Variants in BTBD9 observed in about 807,000 individuals in gnomAD.
BTBD9 encodes the protein BTB domain containing 9.
In BTBD9, 49 loss-of-function variants were observed where a neutral mutation model predicts 64.3. That is an observed-to-expected ratio of 0.76 (90% CI 0.61 to 0.97). BTBD9 has a LOEUF of 0.97. Ranked by LOEUF, BTBD9 falls within the 50% of genes least tolerant of loss-of-function variation. The probability of loss-of-function intolerance (pLI) is 0.00; values close to 1 mark genes in which losing one functional copy is unlikely to be tolerated. For synonymous variants in BTBD9, 260 were observed against 274.7 expected, an observed-to-expected ratio of 0.95 and a Z score of 0.53; for missense variants, 598 against 762.1, an observed-to-expected ratio of 0.78 and a Z score of 2.53.
intron 10 of BTBD9, among the ~76,000 whole-genome samples, chr6:38,176,223 G>A (rs1256844371): frequency 1.3e-5 from 2 of 152,156 alleles, no homozygotes; most frequent in African/African-American, 4.8e-5. Context: ...ACATACACAC[G>A]GCCTTCTACC....
chr6:38,495,960 C>T (rs539396859), intron 6 of BTBD9, among the ~76,000 whole-genome samples: 2 of 152,218 alleles, frequency 1.3e-5, no homozygotes, highest in Admixed American at 1.3e-4. Context: ...TATCAGAATC[C>T]TTTGGAGAGA....
intron 7 of BTBD9, among the ~76,000 whole-genome samples, chr6:38,288,815 T>G (rs1179950600): frequency 1.3e-5 from 2 of 151,412 alleles, no homozygotes; most frequent in Non-Finnish European, 2.9e-5. Context: ...TAGTCCCAGC[T>G]ACTCGGGAGG....
chr6:38,410,608 C>A (rs1304275726), intron 6 of BTBD9, among the ~76,000 whole-genome samples: 2 of 152,144 alleles, frequency 1.3e-5, no homozygotes, highest in African/African-American at 4.8e-5. Flanking sequence ...AAATAACTTT[C>A]ATTGATAAGA....
chr6:38,390,041 A>C (rs910725150), intron 6 of BTBD9, among the ~76,000 whole-genome samples: 1 of 152,220 alleles, frequency 6.6e-6, no homozygotes, highest in Non-Finnish European at 1.5e-5. Flanking sequence ...TATGCCACTC[A>C]AACTTCTTCC....
chr6:38,445,855 G>A (rs1769253853), intron 6 of BTBD9, among the ~76,000 whole-genome samples: 1 of 152,168 alleles, frequency 6.6e-6, no homozygotes, highest in African/African-American at 2.4e-5. Flanking sequence ...AAGGCCACAT[G>A]CTTATCTCTT....
At chr6:38,334,053 C>T (rs149213976) in intron 7 of BTBD9, among the ~76,000 whole-genome samples, 1 of 152,256 alleles carries the variant, frequency 6.6e-6, no homozygotes, top group East Asian at 1.9e-4. Flanking sequence ...TTATTGGGAA[C>T]TGGAGTAAAG....
intron 7 of BTBD9, among the ~76,000 whole-genome samples, chr6:38,301,594 T>C (rs1016649533): frequency 2.0e-5 from 3 of 152,234 alleles, no homozygotes; most frequent in African/African-American, 7.2e-5. Context: ...CTTGGGAGAC[T>C]GTATGTGTCC....
chr6:38,564,373 T>C (rs1402000075), intron 6 of BTBD9, among the ~76,000 whole-genome samples: 1 of 152,190 alleles, frequency 6.6e-6, no homozygotes, highest in Non-Finnish European at 1.5e-5. Flanking sequence ...CTCAGTATGT[T>C]TTTGTTGAAT....
At chr6:38,465,435 T>C (rs1458061784) in intron 6 of BTBD9, among the ~76,000 whole-genome samples, 1 of 140,378 alleles carries the variant, frequency 7.1e-6, no homozygotes, top group Non-Finnish European at 1.5e-5. Context: ...GGCTAACAGG[T>C]TGAAACCCCA....
At chr6:38,377,511 G>A (rs1413786643) in intron 6 of BTBD9, among the ~76,000 whole-genome samples, 1 of 152,134 alleles carries the variant, frequency 6.6e-6, no homozygotes, top group Non-Finnish European at 1.5e-5. Context: ...GTCTACTTTG[G>A]TATTTCTCAA....
At chr6:38,282,948 C>T (rs1362977787) in intron 8 of BTBD9, among the ~76,000 whole-genome samples, 1 of 152,204 alleles carries the variant, frequency 6.6e-6, no homozygotes, top group African/African-American at 2.4e-5. Context: ...ATGTCAGTTC[C>T]ATGAGAGCAC....
At chr6:38,463,533 T>C (rs941661839) in intron 6 of BTBD9, among the ~76,000 whole-genome samples, 9 of 152,200 alleles carry the variant, frequency 5.9e-5, no homozygotes, top group Admixed American at 2.6e-4. Flanking sequence ...TGATCAGTTT[T>C]AGGAAGTTTT....
intron 6 of BTBD9, among the ~76,000 whole-genome samples, chr6:38,435,618 CCCCCTCCCTCCCTT>C (rs796173649): frequency 0.023 from 3 of 130 alleles, 1 homozygote; most frequent in African/African-American, 0.1. Flanking sequence ...TTCCTTCCCT[CCCCCTCCCTCCCTT>C]CCTCCCTCCC....
Position 38,534,158 on chromosome 6 carries a change from TA to T in BTBD9, c.1154+43441del, listed in dbSNP as rs1773915374. Among the ~76,000 whole-genome samples, 4 of 150,914 alleles carry T rather than the reference TA, an allele frequency of 2.7e-5. No individual in the cohort carries two copies. The South Asian group carries it at 6.3e-4, about 24-fold the overall frequency. On this transcript the variant is annotated intron_variant, in intron 6 of 10. Transcript: ENST00000481247. ...CTAACTAAGAAAAAAAGAGAGAAGA[TA>T]AAAAAAATCAGAGATGAAAAATGAG...
Position 38,395,240 on chromosome 6 carries a change from G to A in BTBD9, c.1155-50147C>T, listed in dbSNP as rs116742329. Among the ~76,000 whole-genome samples the A allele has an allele frequency of 8.8e-4, 134 of 152,010 alleles. 1 individual carries two copies. Among genetic ancestry groups the A allele is most frequent in the African/African-American group, 3.1e-3 (129 of 41,436 alleles). On this transcript the variant is annotated intron_variant, in intron 6 of 10. Coordinates refer to ENST00000481247, the MANE Select transcript of BTBD9 (RefSeq NM_001099272.2). ...GAGCCCCAAAGTTAGAGACCAGCCTGAACAACATAGTGGGACCCTGCCTCT... is the reference window on the plus strand; with the variant it reads ...GAGCCCCAAAGTTAGAGACCAGCCTAAACAACATAGTGGGACCCTGCCTCT...
chr6:38,222,801 C>A (rs1178022581), intron 9 of BTBD9, among the ~76,000 whole-genome samples: 4 of 152,178 alleles, frequency 2.6e-5, no homozygotes, highest in African/African-American at 4.8e-5. Context: ...ATATTTAGAG[C>A]TAAACATGTT....
At position 38,600,804 on chromosome 6, in the gene BTBD9, T is replaced by C. The variant is rs114856854; in HGVS notation, c.-27-2683A>G. Among the ~76,000 whole-genome samples, 1,203 of 152,298 alleles carry C rather than the reference T, an allele frequency of 7.9e-3. 11 individuals are homozygous for C. Among genetic ancestry groups the C allele is most frequent in the Non-Finnish European group, 0.013 (851 of 68,028 alleles). ...AACTGATATATCATAAACATTAATATTACATATGTATCTACCATAATAAGT... is the reference window on the plus strand; with the variant it reads ...AACTGATATATCATAAACATTAATACTACATATGTATCTACCATAATAAGT... On this transcript the variant is annotated intron_variant, in intron 1 of 10. Transcript: ENST00000481247.
intron 10 of BTBD9, among the ~76,000 whole-genome samples, chr6:38,182,965 G>T (rs558688137): frequency 6.9e-6 from 1 of 144,686 alleles, no homozygotes; most frequent in African/African-American, 2.5e-5. Flanking sequence ...ATATAAAGAA[G>T]CCCACAAAAG....
chr6:38,440,684 C>G (rs1768986480), intron 6 of BTBD9, among the ~76,000 whole-genome samples: 1 of 152,074 alleles, frequency 6.6e-6, no homozygotes, highest in Non-Finnish European at 1.5e-5. Context: ...TAACATATTA[C>G]TTTTAGGTAT....
Sources: gnomAD v4.1 joint callset for allele counts (sites outside exome capture counted in the v4.1 genomes callset) on GRCh38, gnomAD v4.1.1 for gene constraint, MANE v1.5 for transcripts, NCBI Gene and HGNC (gene_info 2026-07-23, HGNC 2026-07-21) for gene names.